ALG14: variants seen among roughly 807,000 people sequenced by gnomAD.
ALG14 encodes the protein ALG14 UDP-N-acetylglucosaminyltransferase subunit.
ALG14 carries 17 observed loss-of-function variants against 22.8 expected under a neutral mutation model. The ratio of observed to expected loss-of-function variants is 0.75; its 90% confidence interval spans 0.51 to 1.12. The LOEUF (loss-of-function observed/expected upper bound fraction) is 1.12. Ranked by LOEUF, ALG14 falls within the 50% of genes most tolerant of loss-of-function variation. The probability of loss-of-function intolerance (pLI) is 0.00; values close to 1 mark genes in which losing one functional copy is unlikely to be tolerated. For synonymous variants in ALG14, 89 were observed against 103.7 expected (o/e 0.86, Z 0.86); for missense variants, 288 against 271.8 (o/e 1.06, Z -0.42).
chr1:95,066,599 G>A (rs1390038411), intron 1 of ALG14, among the ~76,000 whole-genome samples: 2 of 152,070 alleles, frequency 1.3e-5, no homozygotes, highest in Non-Finnish European at 2.9e-5. Flanking sequence ...AAACAAATTT[G>A]GCATAGATTT....
At chr1:95,063,278 C>A (rs1675232689) in intron 2 of ALG14, among the ~76,000 whole-genome samples, 1 of 152,188 alleles carries the variant, frequency 6.6e-6, no homozygotes, top group Non-Finnish European at 1.5e-5. Context: ...TTTTGCTGTG[C>A]ACAAGCTCTT....
chr1:95,003,714 C>G (rs182464928), intron 3 of ALG14, among the ~76,000 whole-genome samples: 225 of 152,232 alleles, frequency 1.5e-3, no homozygotes, highest in African/African-American at 5.0e-3. Context: ...CCTGCCTCGG[C>G]CCCTCAAAGT....
At chr1:95,044,788 T>C (rs1674492804) in intron 2 of ALG14, among the ~76,000 whole-genome samples, 1 of 152,154 alleles carries the variant, frequency 6.6e-6, no homozygotes, top group Non-Finnish European at 1.5e-5. Context: ...TTTTTTTGTG[T>C]TTTTTGTTCA....
Position 95,072,840 on chromosome 1 carries a change from A to C in ALG14, c.59T>G (p.Leu20Arg). Reference protein sequence around the residue: ...AAGAVAVFLILRIWVVLRSMD... With the variant: ...AAGAVAVFLIRRIWVVLRSMD... ...GGAACGAAGCACTACCCATATTCGC[A>C]GGATTAGGAAAACCGCCACAGCTCC... The change falls in exon 1 of 4, where the codon CTG becomes CGG. Residue 20 changes from leucine to arginine, a missense_variant. Leu to Arg is a moderately radical substitution (Grantham distance 102). Coordinates refer to ENST00000370205, the MANE Select transcript of ALG14 (RefSeq NM_144988.4). 6.2e-7 allele frequency: 1 copy of C among 1,614,164 alleles called. No individual in the cohort carries two copies.
At chr1:95,004,215 C>CTTTT (rs869303546) in intron 3 of ALG14, among the ~76,000 whole-genome samples, 16 of 117,074 alleles carry the variant, frequency 1.4e-4, no homozygotes, top group Non-Finnish European at 1.9e-4. Context: ...GGGTAATTAA[C>CTTTT]TTTTTTTTTT....
intron 2 of ALG14, among the ~76,000 whole-genome samples, chr1:95,051,233 TTA>T (rs1246990792): frequency 8.5e-3 from 1 of 118 alleles, no homozygotes; most frequent in Non-Finnish European, 0.12. Context: ...CTTCTCTGTG[TTA>T]AGTGGCAACT....
chr1:95,035,540 G>A (rs886786431), intron 2 of ALG14, among the ~76,000 whole-genome samples: 1 of 152,170 alleles, frequency 6.6e-6, no homozygotes, highest in East Asian at 1.9e-4. Context: ...ATGCTGAAGA[G>A]TGAAAAAACA....
chr1:95,042,083 C>A (rs1351668326), intron 2 of ALG14, among the ~76,000 whole-genome samples: 1 of 152,120 alleles, frequency 6.6e-6, no homozygotes, highest in Non-Finnish European at 1.5e-5. Context: ...TTTACTCCCA[C>A]TGGGGCTTGT....
intron 3 of ALG14, among the ~76,000 whole-genome samples, chr1:95,018,578 G>A (rs1311477334): frequency 5.9e-5 from 9 of 151,714 alleles, no homozygotes; most frequent in Non-Finnish European, 1.2e-4. Context: ...AAAAAGGGAC[G>A]GAAGGAAGGA....
chr1:94,988,628 C>T (rs1672697670), intron 3 of ALG14, among the ~76,000 whole-genome samples: 9 of 152,106 alleles, frequency 5.9e-5, no homozygotes, highest in Admixed American at 5.9e-4. Flanking sequence ...TGAACATAAA[C>T]ATCAGTGAGA....
At chr1:95,058,320 T>C (rs1214045531) in intron 2 of ALG14, among the ~76,000 whole-genome samples, 1 of 146,858 alleles carries the variant, frequency 6.8e-6, no homozygotes, top group African/African-American at 2.5e-5. Context: ...AAAAGATATT[T>C]TCAGAGATGA....
intron 2 of ALG14, among the ~76,000 whole-genome samples, chr1:95,040,471 T>C (rs999815340): frequency 6.6e-6 from 1 of 152,198 alleles, no homozygotes; most frequent in South Asian, 2.1e-4. Flanking sequence ...TGACTAAAAC[T>C]GTAAGTACAT....
chr1:95,058,438 ACCCCAT>A (rs1425726124), intron 2 of ALG14, among the ~76,000 whole-genome samples: 1 of 149,786 alleles, frequency 6.7e-6, no homozygotes, highest in Non-Finnish European at 1.5e-5. Context: ...ACATGGCAAA[ACCCCAT>A]CTTTACTAAT....
At chr1:95,060,967 TCCTCATAAAAAAGG>T (rs1480158397) in intron 2 of ALG14, among the ~76,000 whole-genome samples, 1 of 152,068 alleles carries the variant, frequency 6.6e-6, no homozygotes, top group Non-Finnish European at 1.5e-5. Context: ...CCAACCGGTA[TCCTCATAAAAAAGG>T]CATGTGAAGA....
chr1:95,020,165 C>T (rs1218294993), intron 3 of ALG14, among the ~76,000 whole-genome samples: 1 of 151,232 alleles, frequency 6.6e-6, no homozygotes, highest in Non-Finnish European at 1.5e-5. Context: ...TGCAGTGAGC[C>T]GAGATCATAT....
At chr1:95,022,234 G>A in intron 3 of ALG14, 1 of 832,702 alleles carries the variant, frequency 1.2e-6, no homozygotes, top group Non-Finnish European at 1.4e-6. Context: ...TGACACAGAT[G>A]TTGTTCGGAA....
In ALG14 at chr1:94,982,548, A is replaced by C. The variant is rs1464571530; in HGVS notation, c.*528T>G. ...GGAGGCTTGTGGAGTGCAAATTGTCATGAAGCCAATTTAATATAACTGCTT... is the reference window on the plus strand; with the variant it reads ...GGAGGCTTGTGGAGTGCAAATTGTCCTGAAGCCAATTTAATATAACTGCTT... On this transcript the variant is annotated 3_prime_UTR_variant, in exon 4 of 4. Coordinates refer to ENST00000370205, the MANE Select transcript of ALG14 (RefSeq NM_144988.4). 6.5e-6 allele frequency: 1 copy of C among 153,414 alleles called. No individual in the cohort carries two copies. Among genetic ancestry groups the C allele is most frequent in the African/African-American group, 2.4e-5 (1 of 41,472 alleles). 9.5% of individuals were successfully genotyped at this position (153,414 alleles called of 1,614,324 possible).
intron 1 of ALG14, among the ~76,000 whole-genome samples, chr1:95,071,747 T>G (rs1209818451): frequency 2.0e-5 from 3 of 152,178 alleles, no homozygotes; most frequent in Non-Finnish European, 4.4e-5. Flanking sequence ...CAGTTTAGCA[T>G]CATTTCTTCC....
At chr1:94,990,695 C>T (rs1009908534) in intron 3 of ALG14, among the ~76,000 whole-genome samples, 5 of 152,218 alleles carry the variant, frequency 3.3e-5, no homozygotes, top group Non-Finnish European at 7.3e-5. Flanking sequence ...TCTTTTAAAC[C>T]ATACCAAAAA....
Sources: allele counts gnomAD v4.1 joint callset (sites outside exome capture counted in the v4.1 genomes callset), GRCh38; gene constraint gnomAD v4.1.1; transcripts MANE v1.5; gene names NCBI Gene and HGNC (gene_info 2026-07-23, HGNC 2026-07-21).